The following HSBP1 variants were observed in gnomAD, a reference collection of about 807,000 sequenced individuals.
The protein encoded by HSBP1 is heat shock factor-binding protein 1.
In HSBP1, 5 loss-of-function variants were observed where a neutral mutation model predicts 9.6. The ratio of observed to expected loss-of-function variants is 0.52; its 90% CI spans 0.27 to 1.09. The LOEUF (loss-of-function observed/expected upper bound fraction) is 1.09, where lower values mean the gene tolerates loss of function less well. Ranked by LOEUF, HSBP1 falls within the 50% of genes least tolerant of loss-of-function variation. The probability of loss-of-function intolerance (pLI) is 0.11; values close to 1 mark genes in which losing one functional copy is unlikely to be tolerated. For missense variants in HSBP1, 121 were observed against 96.3 expected (o/e 1.26, Z -1.07); for synonymous variants, 42 against 33.3 (o/e 1.26, Z -0.90).
At chr16:83,808,963 A>G (rs1391277149) in intron 2 of HSBP1, among the ~76,000 whole-genome samples, 1 of 152,182 alleles carries the variant, frequency 6.6e-6, no homozygotes, top group East Asian at 1.9e-4. Context: ...TACCAATCCT[A>G]ATAGCTGGTG....
rs1182431216 is a variant in HSBP1, at chr16:83,808,002, C to T, written c.-75C>T. 1.5e-6 allele frequency: 2 copies of T among 1,344,324 alleles called. No individual in the cohort carries two copies. The highest frequency in any genetic ancestry group is 2.0e-6 in the Non-Finnish European group (2 of 989,048). The allele number at this position is 1,344,324 out of a possible 1,614,324, so 83.3% of individuals were successfully genotyped here. A position where few individuals can be genotyped will look rare whatever the true frequency, so the allele number is the denominator to read the frequency against. On this transcript the variant is annotated 5_prime_UTR_variant, in exon 1 of 4. Transcript: ENST00000433866. Reference sequence around the variant, plus strand: ...CAGTCTCGTCGCGAGAAGCAGCGGCCCGGGGCGACTGAGCGGACAAACGGA... The same window carrying T: ...CAGTCTCGTCGCGAGAAGCAGCGGCTCGGGGCGACTGAGCGGACAAACGGA...
In HSBP1 at chr16:83,811,131, G is replaced by A. The variant is rs113737890; in HGVS notation, c.*3-290G>A. On this transcript the variant is annotated intron_variant, in intron 3 of 3. Transcript: ENST00000433866. ...TTCTGTGGGTCTCTTTTTATATTATGTGGCAATCAAAACTGCCATCAACTG... is the reference window on the plus strand; with the variant it reads ...TTCTGTGGGTCTCTTTTTATATTATATGGCAATCAAAACTGCCATCAACTG... Among the ~76,000 whole-genome samples, 507 of 152,236 alleles carry A rather than the reference G, an allele frequency of 3.3e-3. 2 individuals carry two copies. The highest frequency in any genetic ancestry group is 0.012 in the African/African-American group (491 of 41,544).
chr16:83,809,223 T>G, intron 2 of HSBP1, 82 bp from the exon 3 acceptor site: 1 of 839,750 alleles, frequency 1.2e-6, no homozygotes, highest in Non-Finnish European at 1.9e-6. Flanking sequence ...CTAAAGTCGT[T>G]GTGTTTAAGG....
At position 83,808,008 on chromosome 16, in the gene HSBP1, C is replaced by A; in HGVS notation, c.-69C>A. ...CGTCGCGAGAAGCAGCGGCCCGGGG[C>A]GACTGAGCGGACAAACGGAAGTGTA... On this transcript the variant is annotated 5_prime_UTR_variant, in exon 1 of 4. Transcript: ENST00000433866. The A allele has an allele frequency of 1.5e-6, 2 of 1,374,688 alleles. No individual in the cohort carries two copies. Among genetic ancestry groups the A allele is most frequent in the Non-Finnish European group, 2.0e-6 (2 of 1,016,182 alleles). The allele number at this position is 1,374,688 out of a possible 1,614,324, so 85.2% of individuals were successfully genotyped here.
In HSBP1 at chr16:83,814,815, T is replaced by A. The variant is rs1445302736; in HGVS notation, c.*3397T>A. ...AGTTGAGAACAACAACAGAAACAAATGACATTCCTCAAACATTTGCCCAGA... is the reference window on the plus strand; with the variant it reads ...AGTTGAGAACAACAACAGAAACAAAAGACATTCCTCAAACATTTGCCCAGA... On this transcript the variant is annotated 3_prime_UTR_variant, in exon 4 of 4. Coordinates refer to ENST00000433866, the MANE Select transcript of HSBP1 (RefSeq NM_001537.4). The A allele has an allele frequency of 6.6e-6, 1 of 152,156 alleles. No individual in the cohort carries two copies. The highest frequency in any genetic ancestry group is 1.5e-5 in the Non-Finnish European group (1 of 68,018). 9.4% of individuals were successfully genotyped at this position (152,156 alleles called of 1,614,324 possible).
At chr16:83,810,695 G>A (rs2151030759) in intron 3 of HSBP1, among the ~76,000 whole-genome samples, 1 of 151,596 alleles carries the variant, frequency 6.6e-6, no homozygotes, top group East Asian at 2.0e-4. Flanking sequence ...GGGTGTGGTG[G>A]TGCACGCCTG....
rs1344857087 is a variant in HSBP1, at chr16:83,817,624, T to A, written c.*6206T>A. ...TACCTCTTACCTTGGTCTTTACAAGTTGCTGTCAAAACCCAGTAAGTGTTT... is the reference window on the plus strand; with the variant it reads ...TACCTCTTACCTTGGTCTTTACAAGATGCTGTCAAAACCCAGTAAGTGTTT... On this transcript the variant is annotated 3_prime_UTR_variant, in exon 4 of 4. Coordinates refer to ENST00000433866, the MANE Select transcript of HSBP1 (RefSeq NM_001537.4). 2 of 152,250 alleles carry A rather than the reference T, an allele frequency of 1.3e-5. No homozygotes were observed. The highest frequency in any genetic ancestry group is 4.8e-5 in the African/African-American group (2 of 41,470). 9.4% of individuals were successfully genotyped at this position (152,250 alleles called of 1,614,324 possible).
At position 83,812,176 on chromosome 16, in the gene HSBP1, T is replaced by TG. The variant is rs1904615596; in HGVS notation, c.*758_*759insG. 1 of 152,624 alleles carries TG rather than the reference T, an allele frequency of 6.6e-6. No individual in the cohort carries two copies. Among genetic ancestry groups the TG allele is most frequent in the African/African-American group, 2.4e-5 (1 of 41,456 alleles). The allele number at this position is 152,624 out of a possible 1,614,324, so 9.5% of individuals were successfully genotyped here. On this transcript the variant is annotated 3_prime_UTR_variant, in exon 4 of 4. Transcript: ENST00000433866. ...TACCTACGTGGTTCATCTACAATGG[T>TG]TACCATAAAAAATCTGGCAGGATTT...
rs1184811644 is a variant in HSBP1 at position 83,818,698 on chromosome 16, G to A, written c.*7280G>A. On this transcript the variant is annotated 3_prime_UTR_variant, in exon 4 of 4. Transcript: ENST00000433866. ...CGTAACCCCTTCAGCAGACGACCCT[G>A]TATCTGGTCTTGGTTCTGAAAGGTT... 1 of 152,122 alleles carries A rather than the reference G, an allele frequency of 6.6e-6. No individual in the cohort carries two copies. The highest frequency in any genetic ancestry group is 2.4e-5 in the African/African-American group (1 of 41,414). The allele number at this position is 152,122 out of a possible 1,614,324, so 9.4% of individuals were successfully genotyped here.
Position 83,817,169 on chromosome 16 carries a change from G to C in HSBP1, c.*5751G>C, listed in dbSNP as rs1290160170. 1.3e-5 allele frequency: 2 copies of C among 152,188 alleles called. No homozygotes were observed. Among genetic ancestry groups the C allele is most frequent in the African/African-American group, 4.8e-5 (2 of 41,450 alleles). The allele number at this position is 152,188 out of a possible 1,614,324, so 9.4% of individuals were successfully genotyped here. ...GAGGTCGAGAACTGCATTCAAGAAG[G>C]CCTGTCTACTGCGAACCGTCCGATG... On this transcript the variant is annotated 3_prime_UTR_variant, in exon 4 of 4. Transcript: ENST00000433866.
chr16:83,811,201 G>C (rs1904593222), intron 3 of HSBP1, among the ~76,000 whole-genome samples: 1 of 152,220 alleles, frequency 6.6e-6, no homozygotes, highest in Admixed American at 6.5e-5. Flanking sequence ...AGACTGGCTA[G>C]TGATGGGGGT....
chr16:83,812,264 A>T lies in HSBP1; in HGVS notation c.*846A>T, dbSNP rs34811333. 6.6e-6 allele frequency: 1 copy of T among 152,624 alleles called. No homozygotes were observed. The highest frequency in any genetic ancestry group is 1.5e-5 in the Non-Finnish European group (1 of 68,040). 9.5% of individuals were successfully genotyped at this position (152,624 alleles called of 1,614,324 possible). On this transcript the variant is annotated 3_prime_UTR_variant, in exon 4 of 4. Transcript: ENST00000433866. ...GAAAAGAAAGAGAGAAGGAAAAGAGACCATATTAAGTCCATGCCAGTTGCT... is the reference window on the plus strand; with the variant it reads ...GAAAAGAAAGAGAGAAGGAAAAGAGTCCATATTAAGTCCATGCCAGTTGCT...
chr16:83,809,462 C>A (rs369787796), intron 3 of HSBP1, 37 bp downstream of exon 3: 344 of 408,330 alleles, frequency 8.4e-4, no homozygotes, highest in Middle Eastern at 1.6e-3. Context: ...CTTTTCTTTT[C>A]TTTTTTTTTT....
intron 1 of HSBP1, 55 bp downstream of exon 1, chr16:83,808,176 C>A: frequency 6.8e-7 from 1 of 1,466,096 alleles, no homozygotes. Context: ...GGCGCCGGGC[C>A]AAGCCCTGCT....
rs1055052176 is a variant in HSBP1 at position 83,814,174 on chromosome 16, G to A, written c.*2756G>A. The A allele has an allele frequency of 6.6e-6, 1 of 152,218 alleles. No homozygotes were observed. Among genetic ancestry groups the A allele is most frequent in the African/African-American group, 2.4e-5 (1 of 41,458 alleles). The allele number at this position is 152,218 out of a possible 1,614,324, so 9.4% of individuals were successfully genotyped here. ...ATTAAAATGGAGGAATTTGCAGGAT[G>A]TGTTGTCATATCTAGCCCTGAAAGT... On this transcript the variant is annotated 3_prime_UTR_variant, in exon 4 of 4. Transcript: ENST00000433866.
At position 83,807,980 on chromosome 16, in the gene HSBP1, T is replaced by G; in HGVS notation, c.-97T>G. 9.0e-7 allele frequency: 1 copy of G among 1,116,294 alleles called. No homozygotes were observed. Among genetic ancestry groups the G allele is most frequent in the Non-Finnish European group, 1.3e-6 (1 of 792,544 alleles). 69.1% of individuals were successfully genotyped at this position (1,116,294 alleles called of 1,614,324 possible). On this transcript the variant is annotated 5_prime_UTR_variant, in exon 1 of 4. Transcript: ENST00000433866. ...GCCCCGCGGTCCCGCGAGCTGCCAG[T>G]CTCGTCGCGAGAAGCAGCGGCCCGG... is the stretch of plus-strand genomic sequence containing the variant.
Position 83,814,816 on chromosome 16 carries a change from G to T in HSBP1, c.*3398G>T, listed in dbSNP as rs1904682008. 1 of 152,176 alleles carries T rather than the reference G, an allele frequency of 6.6e-6. No individual in the cohort carries two copies. Among genetic ancestry groups the T allele is most frequent in the Non-Finnish European group, 1.5e-5 (1 of 68,046 alleles). 9.4% of individuals were successfully genotyped at this position (152,176 alleles called of 1,614,324 possible). A position where few individuals can be genotyped will look rare whatever the true frequency, so the allele number is the denominator to read the frequency against. On this transcript the variant is annotated 3_prime_UTR_variant, in exon 4 of 4. Coordinates refer to ENST00000433866, the MANE Select transcript of HSBP1 (RefSeq NM_001537.4). ...GTTGAGAACAACAACAGAAACAAAT[G>T]ACATTCCTCAAACATTTGCCCAGAG... is the stretch of plus-strand genomic sequence containing the variant.
chr16:83,808,815 T>A, intron 2 of HSBP1, 69 bp downstream of exon 2: 1 of 1,121,672 alleles, frequency 8.9e-7, no homozygotes, highest in Non-Finnish European at 1.3e-6. Context: ...GTGGTGGGGA[T>A]AAATGAGTAG....
Position 83,817,032 on chromosome 16 carries a change from C to G in HSBP1, c.*5614C>G, listed in dbSNP as rs1904736414. 6.6e-6 allele frequency: 1 copy of G among 152,226 alleles called. No homozygotes were observed. Among genetic ancestry groups the G allele is most frequent in the South Asian group, 2.1e-4 (1 of 4,834 alleles). 9.4% of individuals were successfully genotyped at this position (152,226 alleles called of 1,614,324 possible). On this transcript the variant is annotated 3_prime_UTR_variant, in exon 4 of 4. Coordinates refer to ENST00000433866, the MANE Select transcript of HSBP1 (RefSeq NM_001537.4). ...AACCTTGGTGGCACATTAGAATCAC[C>G]TGGGGAGCAGTTCAAAGGCCCAAAA...
Sources: allele counts gnomAD v4.1 joint callset (sites outside exome capture counted in the v4.1 genomes callset), GRCh38; gene constraint gnomAD v4.1.1; transcripts MANE v1.5; gene names NCBI Gene and HGNC (gene_info 2026-07-23, HGNC 2026-07-21).